Variants in SULT1B1 observed in about 807,000 individuals in gnomAD.
SULT1B1 encodes the protein sulfotransferase 1B1.
A neutral mutation model predicts 34.6 loss-of-function variants in SULT1B1; 28 were observed. That is an observed-to-expected ratio of 0.81 (90% confidence interval 0.60 to 1.11). SULT1B1 has a LOEUF of 1.11. SULT1B1 is among the 50% of genes least tolerant of loss of function. The pLI is 0.00. For missense variants in SULT1B1, 374 were observed against 352.2 expected, an observed-to-expected ratio of 1.06 and a Z score of -0.50; for synonymous variants, 147 against 110.2, an observed-to-expected ratio of 1.33 and a Z score of -2.09.
At chr4:69,742,649 G>A (rs193105907) in intron 4 of SULT1B1, among the ~76,000 whole-genome samples, 1 of 152,328 alleles carries the variant, frequency 6.6e-6, no homozygotes, top group Non-Finnish European at 1.5e-5. Context: ...TCTGTGGCCA[G>A]TGGCGCCTTT....
rs987970279 is a variant in SULT1B1, at chr4:69,735,796, C to T, written c.376-1532G>A. ...GCGTCAACATTCCATTACAAGTTGT[C>T]TTGGAGGGTGGACCAATCATCCCCC... On this transcript the variant is annotated intron_variant, in intron 4 of 7. Coordinates refer to ENST00000310613, the MANE Select transcript of SULT1B1 (RefSeq NM_014465.4). Among the ~76,000 whole-genome samples, 7 of 152,306 alleles carry T rather than the reference C, an allele frequency of 4.6e-5. No homozygotes were observed. In the East Asian group the frequency reaches 1.4e-3, roughly 29 times the overall value.
intron 1 of SULT1B1, among the ~76,000 whole-genome samples, chr4:69,759,893 A>G (rs1719328939): frequency 6.6e-6 from 1 of 152,244 alleles, no homozygotes; most frequent in African/African-American, 2.4e-5. Context: ...ATGGAACAAA[A>G]GAGAAAAATA....
chr4:69,758,505 A>G (rs770568851), intron 1 of SULT1B1: 1 of 982,020 alleles, frequency 1.0e-6, no homozygotes, highest in Non-Finnish European at 1.2e-6. Context: ...GGGAAATATC[A>G]ATGGCACACC....
chr4:69,730,732 A>T (rs376411992), intron 6 of SULT1B1, 51 bp from the exon 7 acceptor site: 2 of 1,479,862 alleles, frequency 1.4e-6, no homozygotes, highest in African/African-American at 2.8e-5. Flanking sequence ...ACACAATGTG[A>T]ATATTTATAA....
At chr4:69,736,714 A>C (rs1718329078) in intron 4 of SULT1B1, among the ~76,000 whole-genome samples, 1 of 152,172 alleles carries the variant, frequency 6.6e-6, no homozygotes, top group South Asian at 2.1e-4. Context: ...TAAATAAATA[A>C]ATCACTAGAT....
Position 69,723,176 on chromosome 4 carries a change from A to T in SULT1B1, c.*3912T>A, listed in dbSNP as rs982254297. On this transcript the variant is annotated 3_prime_UTR_variant, in exon 8 of 8. Coordinates refer to ENST00000310613, the MANE Select transcript of SULT1B1 (RefSeq NM_014465.4). Reference sequence around the variant, plus strand: ...AAGAATCAAATAGATGCAATAAAAAAAGATAAAGGGGATATCACCACCGAT... The same window carrying T: ...AAGAATCAAATAGATGCAATAAAAATAGATAAAGGGGATATCACCACCGAT... The T allele has an allele frequency of 8.5e-5, 13 of 152,110 alleles. No individual in the cohort carries two copies. The highest frequency in any genetic ancestry group is 1.8e-4 in the Non-Finnish European group (12 of 68,030). 9.4% of individuals were successfully genotyped at this position (152,110 alleles called of 1,614,324 possible).
chr4:69,752,295 G>A (rs747975597), intron 3 of SULT1B1, among the ~76,000 whole-genome samples: 1 of 152,196 alleles, frequency 6.6e-6, no homozygotes. Context: ...GAGTACAGTG[G>A]TGGAATCATT....
chr4:69,729,983 A>G (rs555464848), intron 7 of SULT1B1, among the ~76,000 whole-genome samples: 1 of 152,140 alleles, frequency 6.6e-6, no homozygotes, highest in Non-Finnish European at 1.5e-5. Context: ...TTTAGACTCT[A>G]TGTTACTAAT....
rs376735076 is a variant in SULT1B1 at position 69,749,809 on chromosome 4, T to C, written c.287A>G (p.Gln96Arg). The C allele has an allele frequency of 1.7e-5, 27 of 1,612,718 alleles. No homozygotes were observed. The highest frequency in any genetic ancestry group is 2.1e-5 in the Non-Finnish European group (25 of 1,178,834). The change falls in exon 4 of 8, where the codon CAA (glutamine) becomes CGA (arginine). Residue 96 changes from glutamine to arginine, a missense_variant. Transcript: ENST00000310613. The part of the protein sequence containing the change: ...LPGLRTSGIE[Q>R]LEKNPSPRIV... ...CCGGGGTGATGGATTCTTCTCCAAT[T>C]GTTCTATACCTGAGAAATTTAGTTA...
chr4:69,737,800 T>C (rs12651239), intron 4 of SULT1B1, among the ~76,000 whole-genome samples: 93,023 of 151,858 alleles, frequency 0.61, 28,627 homozygotes, highest in East Asian at 0.72. Flanking sequence ...AAACGAGATA[T>C]GAAAGAACAA....
intron 7 of SULT1B1, among the ~76,000 whole-genome samples, chr4:69,728,087 A>G (rs1018532470): frequency 6.6e-6 from 1 of 151,982 alleles, no homozygotes; most frequent in Non-Finnish European, 1.5e-5. Flanking sequence ...CCAGATGTCA[A>G]TAGCTCTGGA....
At chr4:69,756,276 T>G (rs73826838) in intron 1 of SULT1B1, among the ~76,000 whole-genome samples, 2,803 of 151,564 alleles carry the variant, frequency 0.018, 90 homozygotes, top group African/African-American at 0.064. Flanking sequence ...TCTCCTTGTT[T>G]ACATGTCTGA....
At chr4:69,731,156 G>A (rs1366855899) in intron 6 of SULT1B1, among the ~76,000 whole-genome samples, 1 of 152,182 alleles carries the variant, frequency 6.6e-6, no homozygotes, top group Non-Finnish European at 1.5e-5. Context: ...TCAGTGGCCT[G>A]TTAGGAACTG....
intron 4 of SULT1B1, among the ~76,000 whole-genome samples, chr4:69,737,271 G>C (rs1462132076): frequency 2.0e-5 from 3 of 151,906 alleles, no homozygotes; most frequent in Non-Finnish European, 4.4e-5. Context: ...CACTCAAGAA[G>C]GGAAAAAAGA....
intron 4 of SULT1B1, among the ~76,000 whole-genome samples, chr4:69,736,813 G>A (rs1298821609): frequency 6.6e-6 from 1 of 151,892 alleles, no homozygotes; most frequent in African/African-American, 2.4e-5. Context: ...TAACAACACA[G>A]AGAAAATAGA....
At chr4:69,732,596 C>A (rs568050262) in intron 6 of SULT1B1, among the ~76,000 whole-genome samples, 22 of 151,780 alleles carry the variant, frequency 1.4e-4, no homozygotes, top group African/African-American at 5.3e-4. Context: ...TATGTTCAGG[C>A]TTTTATAAGT....
intron 3 of SULT1B1, among the ~76,000 whole-genome samples, chr4:69,752,747 G>T (rs1719025179): frequency 6.6e-6 from 1 of 152,178 alleles, no homozygotes; most frequent in African/African-American, 2.4e-5. Flanking sequence ...CTGCTGAGGG[G>T]CACCTCCATT....
chr4:69,734,398 A>G, intron 4 of SULT1B1, 134 bp from the exon 5 acceptor site: 1 of 835,574 alleles, frequency 1.2e-6, no homozygotes, highest in South Asian at 1.8e-5. Context: ...AGGCCCTTCT[A>G]TTAACAGCTA....
chr4:69,745,047 C>T (rs1413316157), intron 4 of SULT1B1, among the ~76,000 whole-genome samples: 1 of 152,068 alleles, frequency 6.6e-6, no homozygotes, highest in Non-Finnish European at 1.5e-5. Context: ...TTTGATAGGG[C>T]TTTTTGGCAT....
Sources: gnomAD v4.1 joint callset for allele counts (sites outside exome capture counted in the v4.1 genomes callset) on GRCh38, gnomAD v4.1.1 for gene constraint, MANE v1.5 for transcripts, NCBI Gene and HGNC (gene_info 2026-07-23, HGNC 2026-07-21) for gene names.